The following CAPG variants were observed in gnomAD, a reference collection of about 807,000 sequenced individuals.
CAPG encodes the protein macrophage-capping protein.
A neutral mutation model predicts 44.6 loss-of-function variants in CAPG; 32 were observed. The observed-to-expected ratio is 0.72, with a 90% CI of 0.54 to 0.96. The LOEUF (loss-of-function observed/expected upper bound fraction) is 0.96. Among genes scored for constraint, CAPG ranks in the 50% least tolerant of loss-of-function variants. The probability of loss-of-function intolerance (pLI) is 0.00; values close to 1 mark genes in which losing one functional copy is unlikely to be tolerated. For synonymous variants in CAPG, 175 were observed against 179.6 expected (o/e 0.97, Z 0.20); for missense variants, 412 against 438.3 (o/e 0.94, Z 0.54).
At chr2:85,398,805 G>C in intron 6 of CAPG, 23 bp from the exon 7 acceptor site, 2 of 1,539,220 alleles carry the variant, frequency 1.3e-6, no homozygotes, top group Non-Finnish European at 1.8e-6. Flanking sequence ...GGGCAGGCCA[G>C]GTTTATAGGG....
intron 1 of CAPG, among the ~76,000 whole-genome samples, chr2:85,404,696 T>C (rs56287599): frequency 0.24 from 36,196 of 151,766 alleles, 4,644 homozygotes; most frequent in African/African-American, 0.3. Flanking sequence ...TGCAGTGAGC[T>C]GAGATTGTGC....
rs561216242 is a variant in CAPG at position 85,397,305 on chromosome 2, G to A, written c.892+715C>T. ...CATGTTCTGCCCCACTCCAGACCTA[G>A]TGAATCAGAATCTATGGGGGTGGAG... On this transcript the variant is annotated intron_variant, in intron 8 of 9. Coordinates refer to ENST00000263867, the MANE Select transcript of CAPG (RefSeq NM_001747.4). Among the ~76,000 whole-genome samples, 9 of 152,280 alleles carry A rather than the reference G, an allele frequency of 5.9e-5. 1 individual carries two copies. The highest frequency in any genetic ancestry group is 2.2e-4 in the African/African-American group (9 of 41,552).
Position 85,397,907 on chromosome 2 carries a change from C to T in CAPG, c.892+113G>A. On this transcript the variant is annotated intron_variant, in intron 8 of 9. Coordinates refer to ENST00000263867, the MANE Select transcript of CAPG (RefSeq NM_001747.4). ...AAATGGTCAGCCAGAAGCATGCAGG[C>T]TTCCTGAGGCTGTCTTTTACAAGCA... 4 of 1,090,902 alleles carry T rather than the reference C, an allele frequency of 3.7e-6. No individual in the cohort carries two copies. The East Asian group carries it at 9.7e-5, about 26-fold the overall frequency. The allele number at this position is 1,090,902 out of a possible 1,614,324, so 67.6% of individuals were successfully genotyped here.
At chr2:85,394,626 T>C, downstream of CAPG, 1 of 526,798 alleles carries the variant, frequency 1.9e-6, no homozygotes, top group Non-Finnish European at 3.4e-6. Context: ...GACTCCTCTG[T>C]CATGCAAAGC....
At chr2:85,408,377 CACAA>C (rs1687268808) in intron 1 of CAPG, among the ~76,000 whole-genome samples, 1 of 142,868 alleles carries the variant, frequency 7.0e-6, no homozygotes, top group Non-Finnish European at 1.6e-5. Flanking sequence ...CACACACACA[CACAA>C]GCCCCCTTAT....
intron 1 of CAPG, among the ~76,000 whole-genome samples, chr2:85,405,153 A>G (rs1167744990): frequency 1.3e-5 from 2 of 152,106 alleles, no homozygotes; most frequent in Non-Finnish European, 2.9e-5. Flanking sequence ...GCTTCCCTCA[A>G]ATGCCAGAAT....
chr2:85,396,433 T>C (rs1381664054), intron 8 of CAPG, among the ~76,000 whole-genome samples: 1 of 152,064 alleles, frequency 6.6e-6, no homozygotes, highest in Non-Finnish European at 1.5e-5. Context: ...AAGGAAATGA[T>C]ACCGAAACGA....
downstream of CAPG, chr2:85,394,692 GC>G: frequency 4.8e-6 from 3 of 630,570 alleles, no homozygotes; most frequent in Non-Finnish European, 8.7e-6. Flanking sequence ...TCCACCCCCA[GC>G]ATGGGGATGA....
intron 1 of CAPG, among the ~76,000 whole-genome samples, chr2:85,408,063 C>T (rs1687246661): frequency 6.6e-6 from 1 of 152,130 alleles, no homozygotes; most frequent in Non-Finnish European, 1.5e-5. Context: ...TCATCCTAGG[C>T]TGGGCACAGT....
chr2:85,416,434 G>C (rs1158069668), intron 1 of CAPG, among the ~76,000 whole-genome samples: 1 of 152,078 alleles, frequency 6.6e-6, no homozygotes, highest in Non-Finnish European at 1.5e-5. Flanking sequence ...CTGAGCAGTT[G>C]CATTTCCTCA....
chr2:85,412,445 A>G (rs1436721830), upstream of CAPG, among the ~76,000 whole-genome samples: 1 of 150,944 alleles, frequency 6.6e-6, no homozygotes, highest in Non-Finnish European at 1.5e-5. Context: ...CCCGGGAGGC[A>G]GAGGTTGCAG....
In CAPG at chr2:85,398,718, G is replaced by C. The variant is rs1348910863; in HGVS notation, c.731C>G (p.Ala244Gly). The change falls in exon 7 of 10, where the codon GCA (alanine) becomes GGA (glycine). Residue 244 changes from alanine (A) to glycine (G), a missense_variant. Transcript: ENST00000263867. Reference sequence around the variant, plus strand: ...ATACAGAGCTGCGGCCTGGGCATTTGCCTTGTCAGCTGTGAGGTCTTCCTC... The same window carrying C: ...ATACAGAGCTGCGGCCTGGGCATTTCCCTTGTCAGCTGTGAGGTCTTCCTC... ...NPEEDLTADKANAQAAALYKV... is the reference protein window; with the variant it reads ...NPEEDLTADKGNAQAAALYKV... 6.2e-7 allele frequency: 1 copy of C among 1,606,418 alleles called. No homozygotes were observed. Among genetic ancestry groups the C allele is most frequent in the East Asian group, 2.2e-5 (1 of 44,756 alleles).
rs1477783349 is a variant in CAPG at position 85,395,915 on chromosome 2, AC to A, written c.893-290del. 2.5e-6 allele frequency: 1 copy of A among 406,890 alleles called. No homozygotes were observed. The highest frequency in any genetic ancestry group is 4.5e-6 in the Non-Finnish European group (1 of 219,946). The allele number at this position is 406,890 out of a possible 1,614,324, so 25.2% of individuals were successfully genotyped here. On this transcript the variant is annotated intron_variant, in intron 8 of 9. Transcript: ENST00000263867. The surrounding 1 kb of genome is among the most constrained non-coding windows in gnomAD (Gnocchi z 4.3). ...CCCCTGGAATATTTCAGGGAGGGGAACAGGTGTTCACCCTAGCATCAGACTG... is the reference window on the plus strand; with the variant it reads ...CCCCTGGAATATTTCAGGGAGGGGAAAGGTGTTCACCCTAGCATCAGACTG...
In CAPG at chr2:85,401,188, A is replaced by C. The variant is rs568415860; in HGVS notation, c.493T>G (p.Cys165Gly). 12 of 1,614,174 alleles carry C rather than the reference A, an allele frequency of 7.4e-6. No individual in the cohort carries two copies. In the South Asian group the frequency reaches 1.2e-4, roughly 16 times the overall value. Residue 165 changes from cysteine to glycine, a missense_variant, in exon 5 of 10, where the codon TGC becomes GGC. By Grantham distance (159) the Cys-to-Gly change is radical. Transcript: ENST00000263867. ...LNWDSFNTGD[C>G]FILDLGQNIF... ...ACCTGGCCCAGGTCCAGGATGAAGC[A>C]GTCCCCAGTGTTGAAGCTGTCCCAG...
chr2:85,416,998 C>T (rs774806323), intron 1 of CAPG, among the ~76,000 whole-genome samples: 6 of 152,188 alleles, frequency 3.9e-5, no homozygotes, highest in Non-Finnish European at 8.8e-5. Context: ...CTGCTAGGTG[C>T]TCAGGGGCAA....
upstream of CAPG, among the ~76,000 whole-genome samples, chr2:85,411,599 G>T (rs1234841826): frequency 6.6e-6 from 1 of 152,206 alleles, no homozygotes; most frequent in African/African-American, 2.4e-5. Flanking sequence ...GAACCTAGCC[G>T]GCCTGTCCTG....
At chr2:85,397,725 A>C (rs1199211737) in intron 8 of CAPG, among the ~76,000 whole-genome samples, 3 of 148,046 alleles carry the variant, frequency 2.0e-5, no homozygotes, top group African/African-American at 7.5e-5. Context: ...AGAAAGAAAG[A>C]AAGAAAATAG....
At chr2:85,392,577 T>C (rs1686426228), downstream of CAPG, among the ~76,000 whole-genome samples, 1 of 151,900 alleles carries the variant, frequency 6.6e-6, no homozygotes, top group Non-Finnish European at 1.5e-5. Context: ...ATCACAGAGG[T>C]AGGGAAGAGA....
At chr2:85,417,931 C>T (rs1220489085) in intron 1 of CAPG, among the ~76,000 whole-genome samples, 1 of 152,108 alleles carries the variant, frequency 6.6e-6, no homozygotes, top group Non-Finnish European at 1.5e-5. Context: ...CTCCCAAACT[C>T]GGTTTATTTT....
Sources: gnomAD v4.1 joint callset for allele counts (sites outside exome capture counted in the v4.1 genomes callset) on GRCh38, gnomAD v4.1.1 for gene constraint, Gnocchi (gnomAD v3.1) non-coding constraint, MANE v1.5 for transcripts, NCBI Gene and HGNC (gene_info 2026-07-23, HGNC 2026-07-21) for gene names.